The following TMEM132D variants were observed in gnomAD, a reference collection of about 807,000 sequenced individuals.
The protein encoded by TMEM132D is transmembrane protein 132D.
Under a neutral mutation model 62.3 loss-of-function variants are expected in TMEM132D, and 21 were observed. The ratio of observed to expected loss-of-function variants is 0.34; its 90% CI spans 0.24 to 0.49. The LOEUF (loss-of-function observed/expected upper bound fraction) is 0.49. Ranked by LOEUF, TMEM132D falls within the 20% of genes least tolerant of loss-of-function variation. TMEM132D has a pLI of 0.99. For missense variants in TMEM132D, 1,346 were observed against 1,402.8 expected, an observed-to-expected ratio of 0.96 and a Z score of 0.65; for synonymous variants, 621 against 575.6, an observed-to-expected ratio of 1.08 and a Z score of -1.13.
intron 3 of TMEM132D, among the ~76,000 whole-genome samples, chr12:129,398,962 T>C (rs1448667090): frequency 6.6e-6 from 1 of 152,142 alleles, no homozygotes; most frequent in African/African-American, 2.4e-5. Context: ...TCTATTTGGC[T>C]CATGGTTCCA....
rs773291403 is a variant in TMEM132D at position 129,779,794 on chromosome 12, C to T, written c.80-79096G>A. On this transcript the variant is annotated intron_variant, in intron 1 of 8. Coordinates refer to ENST00000422113, the MANE Select transcript of TMEM132D (RefSeq NM_133448.3). The surrounding 1 kb of genome is among the most constrained non-coding windows in gnomAD (Gnocchi z 4.1). Reference sequence around the variant, plus strand: ...GTCGCCTCCCCACTCAAACTCATGACGGCCTTAAGGTCTCTATGCCACTTG... The same window carrying T: ...GTCGCCTCCCCACTCAAACTCATGATGGCCTTAAGGTCTCTATGCCACTTG... Among the ~76,000 whole-genome samples the T allele has an allele frequency of 9.2e-5, 14 of 152,188 alleles. No individual in the cohort carries two copies. The highest frequency in any genetic ancestry group is 2.0e-4 in the Admixed American group (3 of 15,304).
rs889062618 is a variant in TMEM132D, at chr12:129,337,432, T to TAC, written c.1299+200_1299+201dup. ...ATATTTGTATAGATATAGATATAGA[T>TAC]ACACACACGCACACACACACACACA... On this transcript the variant is annotated intron_variant, in intron 4 of 8. Coordinates refer to ENST00000422113, the MANE Select transcript of TMEM132D (RefSeq NM_133448.3). Among the ~76,000 whole-genome samples the TAC allele has an allele frequency of 3.6e-5, 4 of 109,718 alleles. No homozygotes were observed. The Middle Eastern group carries it at 0.014, about 392-fold the overall frequency. The allele number at this position is 109,718 out of a possible 152,430, so 72.0% of individuals were successfully genotyped here.
At chr12:129,094,115 G>A (rs1875021248) in intron 5 of TMEM132D, among the ~76,000 whole-genome samples, 1 of 152,098 alleles carries the variant, frequency 6.6e-6, no homozygotes, top group Admixed American at 6.5e-5. Flanking sequence ...CAGGACATAG[G>A]CATGGGCAAG....
chr12:129,649,856 A>G (rs1879880552), intron 2 of TMEM132D, among the ~76,000 whole-genome samples: 1 of 145,560 alleles, frequency 6.9e-6, no homozygotes, highest in Admixed American at 6.9e-5. Flanking sequence ...ATGTTTGTAT[A>G]TGTGTATGTA....
chr12:129,426,500 T>C (rs1326460219), intron 3 of TMEM132D, among the ~76,000 whole-genome samples: 1 of 152,170 alleles, frequency 6.6e-6, no homozygotes, highest in East Asian at 1.9e-4. Flanking sequence ...GCCACACTGA[T>C]GTCTCAGTCA....
At chr12:129,567,751 T>C (rs1051242125) in intron 2 of TMEM132D, among the ~76,000 whole-genome samples, 3 of 152,132 alleles carry the variant, frequency 2.0e-5, no homozygotes, top group Admixed American at 1.3e-4. Flanking sequence ...AAAATAAATG[T>C]ATAAATATAT....
chr12:129,851,726 G>A (rs764381346), intron 1 of TMEM132D, among the ~76,000 whole-genome samples: 1 of 152,134 alleles, frequency 6.6e-6, no homozygotes, highest in South Asian at 2.1e-4. Flanking sequence ...CAAGGGAGAC[G>A]CCTGCAACAC....
At chr12:129,297,008 T>C (rs1421684029) in intron 4 of TMEM132D, among the ~76,000 whole-genome samples, 2 of 152,194 alleles carry the variant, frequency 1.3e-5, no homozygotes, top group Non-Finnish European at 2.9e-5. Flanking sequence ...CTCTGCAGGG[T>C]GCTAATTCCT....
intron 5 of TMEM132D, among the ~76,000 whole-genome samples, chr12:129,202,223 C>A (rs1017378463): frequency 1.3e-5 from 2 of 152,286 alleles, no homozygotes; most frequent in Non-Finnish European, 2.9e-5. Flanking sequence ...CTTTAAAGGC[C>A]GACCTTCTCT....
In TMEM132D at chr12:129,538,871, G is replaced by A. The variant is rs1042227406; in HGVS notation, c.969-7666C>T. On this transcript the variant is annotated intron_variant, in intron 2 of 8. Coordinates refer to ENST00000422113, the MANE Select transcript of TMEM132D (RefSeq NM_133448.3). Reference sequence around the variant, plus strand: ...GCGTTGGCTACTAGTGACCCCTGGCGATAGGTCAGAAGGAACGTTGGCTAC... The same window carrying A: ...GCGTTGGCTACTAGTGACCCCTGGCAATAGGTCAGAAGGAACGTTGGCTAC... 7.2e-4 allele frequency among the ~76,000 whole-genome samples: 109 copies of A among 150,586 alleles called. 1 individual carries two copies. Among genetic ancestry groups the A allele is most frequent in the African/African-American group, 2.5e-3 (102 of 40,886 alleles).
intron 2 of TMEM132D, among the ~76,000 whole-genome samples, chr12:129,557,339 G>A (rs1187846642): frequency 6.6e-6 from 1 of 152,102 alleles, no homozygotes; most frequent in African/African-American, 2.4e-5. Flanking sequence ...ACAGTATAAT[G>A]GTGACTGCCA....
chr12:129,391,908 C>T (rs1035016131), intron 3 of TMEM132D, among the ~76,000 whole-genome samples: 12 of 151,604 alleles, frequency 7.9e-5, no homozygotes, highest in Admixed American at 5.9e-4. Context: ...AGGCGCCCAC[C>T]ACCATGCCCA....
At chr12:129,462,256 G>A (rs966103476) in intron 3 of TMEM132D, among the ~76,000 whole-genome samples, 3 of 152,128 alleles carry the variant, frequency 2.0e-5, no homozygotes, top group Admixed American at 6.6e-5. Context: ...GTGGAATAAA[G>A]ACGCACTTAG....
At chr12:129,810,544 A>G (rs1038764517) in intron 1 of TMEM132D, among the ~76,000 whole-genome samples, 1 of 79,666 alleles carries the variant, frequency 1.3e-5, no homozygotes, top group South Asian at 5.2e-4. Flanking sequence ...CAAGAAAAAT[A>G]TATACATACA....
chr12:129,803,825 CA>C (rs1429572899), intron 1 of TMEM132D, among the ~76,000 whole-genome samples: 6 of 149,482 alleles, frequency 4.0e-5, no homozygotes, highest in Non-Finnish European at 9.0e-5. Flanking sequence ...AGAGAAGAAT[CA>C]AATAGATGCA....
chr12:129,372,424 G>T lies in TMEM132D; in HGVS notation c.1116-34607C>A, dbSNP rs112846535. ...CTCCTCATCGTTGATGTTACCACCT[G>T]CATTCCATCTCCTGTCAGGTCAGGA... On this transcript the variant is annotated intron_variant, in intron 3 of 8. Transcript: ENST00000422113. 2.0e-3 allele frequency among the ~76,000 whole-genome samples: 310 copies of T among 152,140 alleles called. 5 individuals are homozygous for T. Among genetic ancestry groups the T allele is most frequent in the African/African-American group, 6.8e-3 (284 of 41,518 alleles).
intron 3 of TMEM132D, among the ~76,000 whole-genome samples, chr12:129,370,823 T>C (rs1210152297): frequency 6.6e-6 from 1 of 152,172 alleles, no homozygotes; most frequent in Non-Finnish European, 1.5e-5. Flanking sequence ...GGAGCAGACA[T>C]AGTGTCTCTC....
intron 2 of TMEM132D, among the ~76,000 whole-genome samples, chr12:129,589,799 T>A (rs901389605): frequency 3.4e-4 from 52 of 152,316 alleles, no homozygotes; most frequent in African/African-American, 1.3e-3. Context: ...ATTCTGTTCT[T>A]ACCAGTAGGA....
At chr12:129,312,678 T>C (rs1882005140) in intron 4 of TMEM132D, among the ~76,000 whole-genome samples, 1 of 152,076 alleles carries the variant, frequency 6.6e-6, no homozygotes, top group African/African-American at 2.4e-5. Context: ...CACTCCATTC[T>C]CCCTGCATCA....
Sources: gnomAD v4.1 joint callset for allele counts (sites outside exome capture counted in the v4.1 genomes callset) on GRCh38, gnomAD v4.1.1 for gene constraint, Gnocchi (gnomAD v3.1) non-coding constraint, MANE v1.5 for transcripts, NCBI Gene and HGNC (gene_info 2026-07-23, HGNC 2026-07-21) for gene names.